COQ8A: variants seen among roughly 807,000 people sequenced by gnomAD.
COQ8A encodes coenzyme Q8A.
Under a neutral mutation model 65.0 loss-of-function variants are expected in COQ8A, and 51 were observed. The observed-to-expected ratio is 0.78, with a 90% CI of 0.63 to 0.99. The LOEUF (loss-of-function observed/expected upper bound fraction) is 0.99, where lower values mean the gene tolerates loss of function less well. Among genes scored for constraint, COQ8A ranks in the 50% least tolerant of loss-of-function variants. The pLI is 0.00. For missense variants in COQ8A, 940 were observed against 875.0 expected, an observed-to-expected ratio of 1.07 and a Z score of -0.94; for synonymous variants, 371 against 353.2, an observed-to-expected ratio of 1.05 and a Z score of -0.57.
Position 226,982,029 on chromosome 1 carries a change from A to C in COQ8A, c.733A>C (p.Lys245Gln). ...KSLRSEDPSG[K>Q]KAVLGSSPFL... ...TGACCCCTCTTGCCCGCCCACAGGG[A>C]AGAAGGCCGTGCTGGGTTCCAGTCC... Residue 245 changes from lysine to glutamine, a missense_variant and splice_region_variant, in exon 6 of 15, where the codon AAG becomes CAG. By Grantham distance (53) the Lys-to-Gln change is moderately conservative (BLOSUM62 1). Coordinates refer to ENST00000366777, the MANE Select transcript of COQ8A (RefSeq NM_020247.5). The C allele has an allele frequency of 6.2e-7, 1 of 1,612,784 alleles. No homozygotes were observed. The highest frequency in any genetic ancestry group is 8.5e-7 in the Non-Finnish European group (1 of 1,179,954).
intron 5 of COQ8A, among the ~76,000 whole-genome samples, chr1:226,978,933 ACCACACACCCACACACCTTACCCT>A (rs1280955458): frequency 1.0e-3 from 151 of 143,848 alleles, no homozygotes; most frequent in Middle Eastern, 3.8e-3. Context: ...CCACACACCC[ACCACACACCCACACACCTTACCCT>A]CCACACACCC....
At chr1:226,974,957 G>A (rs1659105157) in intron 4 of COQ8A, 3 of 152,382 alleles carry the variant, frequency 2.0e-5, no homozygotes, top group African/African-American at 7.2e-5. Context: ...GGAGCTCAAT[G>A]TGGCCCACCC....
chr1:226,977,415 T>G (rs764415103), intron 4 of COQ8A, 34 bp from the exon 5 acceptor site: 1 of 1,547,510 alleles, frequency 6.5e-7, no homozygotes, highest in Non-Finnish European at 8.7e-7. Flanking sequence ...CAGCCCTGCG[T>G]GAGCACTGAG....
chr1:226,967,772 C>A (rs958229985), intron 4 of COQ8A, among the ~76,000 whole-genome samples: 1 of 152,226 alleles, frequency 6.6e-6, no homozygotes, highest in Non-Finnish European at 1.5e-5. Flanking sequence ...TTTGCTGACA[C>A]CTGCCTGATG....
chr1:226,980,388 C>G (rs1273317220), intron 5 of COQ8A, among the ~76,000 whole-genome samples: 1 of 152,242 alleles, frequency 6.6e-6, no homozygotes, highest in African/African-American at 2.4e-5. Flanking sequence ...TGCTGCTAGC[C>G]TAGGCCTACT....
In COQ8A at chr1:226,964,855, G is replaced by A. The variant is rs1044510980; in HGVS notation, c.178-145G>A. On this transcript the variant is annotated intron_variant, in intron 2 of 14. Transcript: ENST00000366777. ...CGGCTCCCAGGCTGGGAAGGGTGCC[G>A]GGCCTCAGGTGCAGCACTGTGCCAC... 18 of 902,334 alleles carry A rather than the reference G, an allele frequency of 2.0e-5. No homozygotes were observed. The East Asian group carries it at 2.1e-4, about 10-fold the overall frequency. The allele number at this position is 902,334 out of a possible 1,614,324, so 55.9% of individuals were successfully genotyped here.
chr1:226,956,942 A>C (rs1245185243), intron 1 of COQ8A, among the ~76,000 whole-genome samples: 1 of 59,308 alleles, frequency 1.7e-5, no homozygotes, highest in Non-Finnish European at 3.3e-5. Context: ...CCTGGCTCTC[A>C]CTCTCCCTGG....
intron 1 of COQ8A, among the ~76,000 whole-genome samples, chr1:226,961,148 C>T (rs943217020): frequency 1.1e-4 from 16 of 152,140 alleles, no homozygotes; most frequent in Non-Finnish European, 2.1e-4. Flanking sequence ...GCAAGCACAC[C>T]GCACCACTGA....
chr1:226,976,127 T>TGC (rs1558198533), intron 4 of COQ8A, among the ~76,000 whole-genome samples: 18 of 94,848 alleles, frequency 1.9e-4, no homozygotes, highest in African/African-American at 7.2e-4. Context: ...TGCCTGGCTG[T>TGC]GGGGCTGCGG....
Position 226,961,550 on chromosome 1 carries a change from G to A in COQ8A, c.165G>A (p.Leu55=). 1 of 1,612,242 alleles carries A rather than the reference G, an allele frequency of 6.2e-7. No homozygotes were observed. The highest frequency in any genetic ancestry group is 1.1e-5 in the South Asian group (1 of 91,048). ...CTGTGGAGCAGATTGGCATGTTCTT[G>A]GGGAAGGTGCAGGTAAGGGGGCCTG... ...STAVEQIGMF[L]GKVQGQDKHE... is the part of the protein sequence containing the mutation. Residue 55 remains leucine (L), a synonymous_variant, in exon 2 of 15, where the codon TTG becomes TTA. Coordinates refer to ENST00000366777, the MANE Select transcript of COQ8A (RefSeq NM_020247.5).
rs868693482 is a variant in COQ8A at position 226,977,455 on chromosome 1, C to G, written c.662C>G (p.Ala221Gly). Residue 221 changes from alanine (A) to glycine (G), a missense_variant, in exon 5 of 15, where the codon GCC (alanine) becomes GGC (glycine). By Grantham distance (60) the Ala-to-Gly change is moderately conservative. Transcript: ENST00000366777. ...CGCCCCCTCCTCCTTGCAGGTCTGG[C>G]CGTGGGCCTGGGCTTCGGGGCACTG... ...IGRLANFGGL[A>G]VGLGFGALAE... is the part of the protein sequence containing the mutation. 6.4e-7 allele frequency: 1 copy of G among 1,563,142 alleles called. No homozygotes were observed. Among genetic ancestry groups the G allele is most frequent in the African/African-American group, 1.3e-5 (1 of 74,250 alleles).
At position 226,984,083 on chromosome 1, in the gene COQ8A, C is replaced by T. The variant is rs1352973752; in HGVS notation, c.1257-11C>T. ...CCTGTGGCTAGGGCGTGACCTCCCT[C>T]CCCTACCCAGGGACCTGCTGAAGGG... On this transcript the variant is annotated splice_polypyrimidine_tract_variant and intron_variant, in intron 10 of 14. Transcript: ENST00000366777. The T allele has an allele frequency of 1.4e-5, 23 of 1,613,048 alleles. No individual in the cohort carries two copies. Among genetic ancestry groups the T allele is most frequent in the African/African-American group, 4.0e-5 (3 of 74,916 alleles).
intron 8 of COQ8A, 80 bp from the exon 9 acceptor site, chr1:226,983,472 T>C (rs1024374316): frequency 5.2e-6 from 7 of 1,334,884 alleles, no homozygotes; most frequent in African/African-American, 4.3e-5. Context: ...GGGAAGCCAG[T>C]TGGGGGTTGG....
Position 226,985,279 on chromosome 1 carries a change from A to G in COQ8A, c.1598A>G (p.Asp533Gly). 1 of 1,613,730 alleles carries G rather than the reference A, an allele frequency of 6.2e-7. No homozygotes were observed. Among genetic ancestry groups the G allele is most frequent in the Non-Finnish European group, 8.5e-7 (1 of 1,179,988 alleles). ...IQIIRAAADR[D>G]RETVRAKSIE... The stretch of plus-strand genomic sequence containing the variant: ...ATCATCAGGGCTGCTGCCGACAGGG[A>G]CAGGGAGACTGTGCGGGCGAAATCC... Residue 533 changes from aspartate to glycine, a missense_variant, in exon 14 of 15, where the codon GAC becomes GGC. Transcript: ENST00000366777.
intron 2 of COQ8A, 21 bp from the exon 3 acceptor site, chr1:226,964,979 G>T: frequency 6.2e-7 from 1 of 1,613,282 alleles, no homozygotes. Flanking sequence ...CTCTCCTAAT[G>T]CTGGCCTTTG....
intron 4 of COQ8A, among the ~76,000 whole-genome samples, chr1:226,970,660 T>G (rs1049911854): frequency 6.6e-6 from 1 of 152,228 alleles, no homozygotes; most frequent in African/African-American, 2.4e-5. Context: ...TCTTGACTTA[T>G]TACAATATAA....
chr1:226,975,414 A>G (rs1482616092), intron 4 of COQ8A, among the ~76,000 whole-genome samples: 1 of 152,202 alleles, frequency 6.6e-6, no homozygotes, highest in Non-Finnish European at 1.5e-5. Flanking sequence ...CCACAGTGGG[A>G]TGTGCTGAGT....
At chr1:226,955,272 T>C (rs528643148) in intron 1 of COQ8A, among the ~76,000 whole-genome samples, 1 of 152,066 alleles carries the variant, frequency 6.6e-6, no homozygotes, top group South Asian at 2.1e-4. Context: ...GGTGCTAGGC[T>C]TGCAGCAGAC....
rs201238495 is a variant in COQ8A, at chr1:226,982,779, C to A, written c.939+16C>A. ...GCAGATGATGGTGAGGAGCCAGGGGCTCTGCCCACTCTCTGTGGCCTCGGC... is the reference window on the plus strand; with the variant it reads ...GCAGATGATGGTGAGGAGCCAGGGGATCTGCCCACTCTCTGTGGCCTCGGC... On this transcript the variant is annotated intron_variant, in intron 7 of 14. Coordinates refer to ENST00000366777, the MANE Select transcript of COQ8A (RefSeq NM_020247.5). The A allele has an allele frequency of 7.4e-5, 119 of 1,613,424 alleles. No homozygotes were observed. The East Asian group carries it at 1.1e-3, about 15-fold the overall frequency.
Sources: allele counts gnomAD v4.1 joint callset (sites outside exome capture counted in the v4.1 genomes callset), GRCh38; gene constraint gnomAD v4.1.1; transcripts MANE v1.5; gene names NCBI Gene and HGNC (gene_info 2026-07-23, HGNC 2026-07-21).